Variants in SV2B observed in about 807,000 individuals in gnomAD.
SV2B encodes synaptic vesicle glycoprotein 2B, also known as solute carrier family 22 member B2.
A neutral mutation model predicts 73.9 loss-of-function variants in SV2B; 41 were observed. That is an observed-to-expected ratio of 0.56 (90% CI 0.43 to 0.72). The LOEUF is 0.72. Among genes scored for constraint, SV2B ranks in the 30% least tolerant of loss-of-function variants. The pLI, the probability that SV2B is intolerant of heterozygous loss-of-function variation, is 0.00. For synonymous variants in SV2B, 314 were observed against 314.2 expected (o/e 1.00, Z 0.01); for missense variants, 764 against 857.8 (o/e 0.89, Z 1.37).
rs2042844974 is a variant in SV2B at position 91,136,868 on chromosome 15, A to G, written c.-392+36505A>G. On this transcript the variant is annotated intron_variant, in intron 1 of 12. Transcript: ENST00000394232. This position sits in a 1 kb window ranked among gnomAD's most constrained non-coding sequence, Gnocchi z 5.6. ...GCAAGCAGCTTTGGCAGGAGAAGCA[A>G]GAGGGCTCTGGGTAGCCAGCTTATT... 6.6e-6 allele frequency among the ~76,000 whole-genome samples: 1 copy of G among 152,138 alleles called. No homozygotes were observed. Among genetic ancestry groups the G allele is most frequent in the Admixed American group, 6.5e-5 (1 of 15,280 alleles).
rs1172897768 is a variant in SV2B at position 91,118,998 on chromosome 15, C to T, written c.-392+18635C>T. Among the ~76,000 whole-genome samples the T allele has an allele frequency of 1.3e-5, 2 of 152,140 alleles. No homozygotes were observed. The highest frequency in any genetic ancestry group is 1.9e-4 in the East Asian group (1 of 5,192). ...TGCTGGCTGATCCGCTTGGGGCTCC[C>T]GGCTTTTACTCCTAATCCTCAGCTT... On this transcript the variant is annotated intron_variant, in intron 1 of 12. Coordinates refer to ENST00000394232, the MANE Select transcript of SV2B (RefSeq NM_001323032.3). This position sits in a 1 kb window ranked among gnomAD's most constrained non-coding sequence, Gnocchi z 4.7.
intron 1 of SV2B, among the ~76,000 whole-genome samples, chr15:91,202,556 C>T (rs1303925897): frequency 6.6e-6 from 1 of 152,214 alleles, no homozygotes; most frequent in Non-Finnish European, 1.5e-5. Flanking sequence ...ATACTTACCT[C>T]TAAGAGTAAA....
chr15:91,261,123 C>T lies in SV2B; in HGVS notation c.1008+714C>T, dbSNP rs2047896457. Among the ~76,000 whole-genome samples the T allele has an allele frequency of 6.6e-6, 1 of 152,104 alleles. No homozygotes were observed. Among genetic ancestry groups the T allele is most frequent in the Admixed American group, 6.5e-5 (1 of 15,278 alleles). On this transcript the variant is annotated intron_variant, in intron 6 of 12. Coordinates refer to ENST00000394232, the MANE Select transcript of SV2B (RefSeq NM_001323032.3). This position sits in a 1 kb window ranked among gnomAD's most constrained non-coding sequence, Gnocchi z 4.7. ...TAAAAATACAAAAAAATCAGCTGGG[C>T]ATGGTGGCGGGTACCTAAAATCCCA...
intron 1 of SV2B, among the ~76,000 whole-genome samples, chr15:91,104,597 T>TCAAC (rs2041827021): frequency 1.3e-5 from 2 of 152,186 alleles, no homozygotes; most frequent in African/African-American, 2.4e-5. Flanking sequence ...CATTTTGCAA[T>TCAAC]CAATCAATCA....
chr15:91,254,563 G>T (rs1403903995), intron 4 of SV2B, among the ~76,000 whole-genome samples: 2 of 152,130 alleles, frequency 1.3e-5, no homozygotes, highest in African/African-American at 4.8e-5. Flanking sequence ...TGAAGTGATT[G>T]AAAAACCTTT....
At chr15:91,192,189 A>G (rs2045062341) in intron 1 of SV2B, among the ~76,000 whole-genome samples, 1 of 152,176 alleles carries the variant, frequency 6.6e-6, no homozygotes, top group Non-Finnish European at 1.5e-5. Context: ...GCCTAGCAGG[A>G]AGGAATTTAT....
chr15:91,168,633 C>G (rs1596511010), intron 1 of SV2B, among the ~76,000 whole-genome samples: 1 of 152,020 alleles, frequency 6.6e-6, no homozygotes, highest in Non-Finnish European at 1.5e-5. Flanking sequence ...GGGATGTGAG[C>G]CACCCTAGAG....
At chr15:91,170,011 C>T (rs1000116448) in intron 1 of SV2B, among the ~76,000 whole-genome samples, 1 of 152,122 alleles carries the variant, frequency 6.6e-6, no homozygotes, top group Non-Finnish European at 1.5e-5. Flanking sequence ...AGACACCATC[C>T]AGTGATTTAT....
rs1028888813 is a variant in SV2B, at chr15:91,141,873, C to T, written c.-392+41510C>T. Among the ~76,000 whole-genome samples the T allele has an allele frequency of 6.6e-6, 1 of 151,902 alleles. No homozygotes were observed. The highest frequency in any genetic ancestry group is 2.4e-5 in the African/African-American group (1 of 41,346). On this transcript the variant is annotated intron_variant, in intron 1 of 12. Transcript: ENST00000394232. This position sits in a 1 kb window ranked among gnomAD's most constrained non-coding sequence, Gnocchi z 4.6. The stretch of plus-strand genomic sequence containing the variant: ...TGTATGTTTAAAAGACTGACACTGT[C>T]GGACGGGAATTGGCAGTAGAGAACA...
At chr15:91,181,810 T>C (rs966021127) in intron 1 of SV2B, among the ~76,000 whole-genome samples, 1 of 151,602 alleles carries the variant, frequency 6.6e-6, no homozygotes, top group African/African-American at 2.4e-5. Context: ...ATTGGGGGTA[T>C]TTGCAAAGTA....
Position 91,229,913 on chromosome 15 carries a change from GTTC to G in SV2B, c.451+3201_451+3203del, listed in dbSNP as rs1399754288. Among the ~76,000 whole-genome samples, 1 of 152,184 alleles carries G rather than the reference GTTC, an allele frequency of 6.6e-6. No homozygotes were observed. Among genetic ancestry groups the G allele is most frequent in the Non-Finnish European group, 1.5e-5 (1 of 68,042 alleles). ...TTTATGTTTGAGTGCTGCTAACTCAGTTCTGTCTTTCCCCATCCTCTCTCTGTT... is the reference window on the plus strand; with the variant it reads ...TTTATGTTTGAGTGCTGCTAACTCAGTGTCTTTCCCCATCCTCTCTCTGTT... On this transcript the variant is annotated intron_variant, in intron 2 of 12. Transcript: ENST00000394232. This position sits in a 1 kb window ranked among gnomAD's most constrained non-coding sequence, Gnocchi z 4.3.
Position 91,258,651 on chromosome 15 carries a change from C to G in SV2B, c.918+97C>G. On this transcript the variant is annotated intron_variant, in intron 5 of 12. Coordinates refer to ENST00000394232, the MANE Select transcript of SV2B (RefSeq NM_001323032.3). The surrounding 1 kb of genome is among the most constrained non-coding windows in gnomAD (Gnocchi z 4.7). ...TCAGCTCCTAGTCCCACATCCTCTG[C>G]TGCTTATGTGTTGCAAACTCTCCCC... The G allele has an allele frequency of 6.4e-7, 1 of 1,554,446 alleles. No homozygotes were observed. Among genetic ancestry groups the G allele is most frequent in the Non-Finnish European group, 8.7e-7 (1 of 1,147,124 alleles).
rs1043240154 is a variant in SV2B at position 91,151,524 on chromosome 15, T to C, written c.-392+51161T>C. ...ATCCATTTTCATGATGGAGGCTGCA[T>C]GCCTGAAGGGCCATTGGACATCTCA... On this transcript the variant is annotated intron_variant, in intron 1 of 12. Transcript: ENST00000394232. Among the ~76,000 whole-genome samples, 14 of 152,354 alleles carry C rather than the reference T, an allele frequency of 9.2e-5. No homozygotes were observed. In the South Asian group the frequency reaches 2.9e-3, roughly 32 times the overall value.
rs554374774 is a variant in SV2B at position 91,245,404 on chromosome 15, T to C, written c.452-6415T>C. On this transcript the variant is annotated intron_variant, in intron 2 of 12. Transcript: ENST00000394232. This position sits in a 1 kb window ranked among gnomAD's most constrained non-coding sequence, Gnocchi z 4.2. ...GACAGAAAGATTTCTATCGTGTAAA[T>C]ACAGTATGTAGTTATACACGTACCA... Among the ~76,000 whole-genome samples the C allele has an allele frequency of 6.6e-6, 1 of 152,344 alleles. No individual in the cohort carries two copies. Among genetic ancestry groups the C allele is most frequent in the African/African-American group, 2.4e-5 (1 of 41,582 alleles).
intron 1 of SV2B, among the ~76,000 whole-genome samples, chr15:91,165,935 G>A (rs549666012): frequency 2.6e-5 from 4 of 152,124 alleles, no homozygotes; most frequent in Admixed American, 2.0e-4. Flanking sequence ...TTCTTTATCT[G>A]TAAATATCTT....
At chr15:91,148,403 G>T (rs2043210874) in intron 1 of SV2B, among the ~76,000 whole-genome samples, 1 of 152,126 alleles carries the variant, frequency 6.6e-6, no homozygotes, top group African/African-American at 2.4e-5. Context: ...GCCAACATTG[G>T]GTTTCCAGCC....
intron 9 of SV2B, among the ~76,000 whole-genome samples, chr15:91,272,828 CTTTTTTTTTTTT>C (rs869274294): frequency 7.5e-5 from 7 of 92,852 alleles, no homozygotes; most frequent in Admixed American, 2.5e-4. Context: ...GCATATTCGT[CTTTTTTTTTTTT>C]TTTTTTTTTT....
intron 1 of SV2B, among the ~76,000 whole-genome samples, chr15:91,167,393 AT>A (rs1394283348): frequency 6.6e-6 from 1 of 152,148 alleles, no homozygotes; most frequent in Non-Finnish European, 1.5e-5. Context: ...TATTCTTATA[AT>A]TTTGATCAGA....
chr15:91,160,351 G>GTAA, intron 1 of SV2B, among the ~76,000 whole-genome samples: 1 of 152,334 alleles, frequency 6.6e-6, no homozygotes, highest in African/African-American at 2.4e-5. Flanking sequence ...GCTCATGCCT[G>GTAA]TAATCTCAGC....
Sources: gnomAD v4.1 joint callset for allele counts (sites outside exome capture counted in the v4.1 genomes callset) on GRCh38, gnomAD v4.1.1 for gene constraint, Gnocchi (gnomAD v3.1) non-coding constraint, MANE v1.5 for transcripts, NCBI Gene and HGNC (gene_info 2026-07-23, HGNC 2026-07-21) for gene names.